The following BCAT1 variants were observed in gnomAD, a reference collection of about 807,000 sequenced individuals.
The protein encoded by BCAT1 is branched chain amino acid transaminase 1, also known as branched-chain-amino-acid aminotransferase, cytosolic.
BCAT1 carries 48 observed loss-of-function variants against 52.4 expected under a neutral mutation model. That is an observed-to-expected ratio of 0.92 (90% confidence interval 0.73 to 1.16). The LOEUF (loss-of-function observed/expected upper bound fraction) is 1.16. BCAT1 is among the 50% of genes most tolerant of loss of function. The probability of loss-of-function intolerance (pLI) is 0.00; values close to 1 mark genes in which losing one functional copy is unlikely to be tolerated. For missense variants in BCAT1, 451 were observed against 457.1 expected (o/e 0.99, Z 0.12); for synonymous variants, 167 against 161.3 (o/e 1.04, Z -0.27).
At chr12:24,865,084 T>G (rs191579255) in intron 5 of BCAT1, among the ~76,000 whole-genome samples, 64 of 152,336 alleles carry the variant, frequency 4.2e-4, no homozygotes, top group Admixed American at 4.2e-3. Context: ...TCTTTTCATC[T>G]CTATCTACAG....
chr12:24,859,670 T>C (rs188970681), intron 5 of BCAT1, among the ~76,000 whole-genome samples: 27 of 151,374 alleles, frequency 1.8e-4, no homozygotes, highest in African/African-American at 6.1e-4. Flanking sequence ...CTTTGTATTA[T>C]CATTTTGGCT....
chr12:24,857,198 C>A (rs1437426628), intron 5 of BCAT1, among the ~76,000 whole-genome samples: 3 of 152,182 alleles, frequency 2.0e-5, no homozygotes, highest in Non-Finnish European at 4.4e-5. Context: ...TATTAATTAT[C>A]TTCCCCTCAT....
chr12:24,838,208 C>T (rs1218173374), intron 7 of BCAT1, among the ~76,000 whole-genome samples: 1 of 152,182 alleles, frequency 6.6e-6, no homozygotes, highest in Non-Finnish European at 1.5e-5. Flanking sequence ...CTTCATCCTT[C>T]TATCCTCAAA....
chr12:24,912,702 A>G (rs939754048), intron 1 of BCAT1, among the ~76,000 whole-genome samples: 1 of 71,710 alleles, frequency 1.4e-5, no homozygotes, highest in Non-Finnish European at 4.7e-5. Context: ...CCATCTCTAA[A>G]AAAAAAAAAA....
At chr12:24,833,382 G>A (rs1183716566) in intron 8 of BCAT1, among the ~76,000 whole-genome samples, 3 of 152,062 alleles carry the variant, frequency 2.0e-5, no homozygotes, top group African/African-American at 7.2e-5. Flanking sequence ...AGCCAGGCAT[G>A]GTGGCGGGTG....
At chr12:24,824,272 C>CCTTCCTTCTT (rs1477491998) in intron 10 of BCAT1, among the ~76,000 whole-genome samples, 2 of 124,582 alleles carry the variant, frequency 1.6e-5, no homozygotes, top group Non-Finnish European at 3.4e-5. Flanking sequence ...CCTTCATTCC[C>CCTTCCTTCTT]TCCCTCCCTC....
chr12:24,867,966 C>T (rs1264035150), intron 5 of BCAT1, among the ~76,000 whole-genome samples: 1 of 152,214 alleles, frequency 6.6e-6, no homozygotes, highest in African/African-American at 2.4e-5. Context: ...GATTGCACCA[C>T]TGCACTCCAG....
intron 1 of BCAT1, among the ~76,000 whole-genome samples, chr12:24,923,746 C>A (rs1047436896): frequency 6.6e-6 from 1 of 152,084 alleles, no homozygotes; most frequent in Non-Finnish European, 1.5e-5. Flanking sequence ...CAGAGAGAAC[C>A]AAACTGAGTA....
At chr12:24,932,572 G>C (rs1412688322) in intron 1 of BCAT1, among the ~76,000 whole-genome samples, 2 of 152,214 alleles carry the variant, frequency 1.3e-5, no homozygotes, top group African/African-American at 4.8e-5. Flanking sequence ...AATAATATTA[G>C]TTAATACTTA....
At chr12:24,849,692 A>G (rs1941446663) in intron 6 of BCAT1, 94 bp downstream of exon 6, 2 of 1,292,384 alleles carry the variant, frequency 1.5e-6, no homozygotes, top group Admixed American at 4.8e-5. Context: ...TAAAGTTTGA[A>G]AAGTATTATA....
intron 1 of BCAT1, chr12:24,902,202 C>A: frequency 7.0e-7 from 1 of 1,433,438 alleles, no homozygotes; most frequent in Non-Finnish European, 9.1e-7. Flanking sequence ...AAACAATTGT[C>A]TCCCTTATAT....
chr12:24,832,229 A>G (rs1326410485), intron 9 of BCAT1, among the ~76,000 whole-genome samples: 1 of 152,194 alleles, frequency 6.6e-6, no homozygotes, highest in African/African-American at 2.4e-5. Flanking sequence ...GCATAGCTCC[A>G]ATCCCGACAT....
intron 5 of BCAT1, among the ~76,000 whole-genome samples, chr12:24,868,233 A>G (rs772739926): frequency 2.6e-5 from 4 of 152,214 alleles, no homozygotes; most frequent in Non-Finnish European, 5.9e-5. Context: ...TCTCCATCTC[A>G]GTGTATAAAA....
At position 24,817,935 on chromosome 12, in the gene BCAT1, T is replaced by C; in HGVS notation, c.*73A>G. The C allele has an allele frequency of 6.7e-7, 1 of 1,496,616 alleles. No individual in the cohort carries two copies. Among genetic ancestry groups the C allele is most frequent in the Non-Finnish European group, 9.3e-7 (1 of 1,077,632 alleles). 92.7% of individuals were successfully genotyped at this position (1,496,616 alleles called of 1,614,324 possible). On this transcript the variant is annotated 3_prime_UTR_variant, in exon 11 of 11. Coordinates refer to ENST00000261192, the MANE Select transcript of BCAT1 (RefSeq NM_005504.7). ...GGTAGCCAAAGAAATCTATCACAATTCAAATGCAACAGTCTGTCCCAGTAG... is the reference window on the plus strand; with the variant it reads ...GGTAGCCAAAGAAATCTATCACAATCCAAATGCAACAGTCTGTCCCAGTAG...
At chr12:24,931,605 C>T (rs962753396) in intron 1 of BCAT1, among the ~76,000 whole-genome samples, 2 of 152,112 alleles carry the variant, frequency 1.3e-5, no homozygotes, top group Non-Finnish European at 2.9e-5. Flanking sequence ...ATCAGTAACA[C>T]AGGAAACTAG....
At chr12:24,827,475 T>C (rs1335807110) in intron 10 of BCAT1, among the ~76,000 whole-genome samples, 2 of 152,152 alleles carry the variant, frequency 1.3e-5, no homozygotes, top group Admixed American at 1.3e-4. Flanking sequence ...AGAGCAGAAG[T>C]ATGGCAGCTC....
chr12:24,867,747 G>GT (rs774686964), intron 5 of BCAT1, among the ~76,000 whole-genome samples: 1 of 152,204 alleles, frequency 6.6e-6, no homozygotes, highest in Non-Finnish European at 1.5e-5. Flanking sequence ...GCTCACACCT[G>GT]TAATCCCAGC....
chr12:24,876,878 T>C (rs114298444), intron 5 of BCAT1, among the ~76,000 whole-genome samples: 3,891 of 152,104 alleles, frequency 0.026, 143 homozygotes, highest in African/African-American at 0.089. Flanking sequence ...GATGGGTTGA[T>C]TTGTACAGCA....
intron 5 of BCAT1, among the ~76,000 whole-genome samples, chr12:24,870,152 G>A (rs978083193): frequency 1.3e-5 from 2 of 152,030 alleles, no homozygotes; most frequent in African/African-American, 4.8e-5. Flanking sequence ...TATACCTTTG[G>A]TTCTACTTGA....
Sources: allele counts gnomAD v4.1 joint callset (sites outside exome capture counted in the v4.1 genomes callset), GRCh38; gene constraint gnomAD v4.1.1; transcripts MANE v1.5; gene names NCBI Gene and HGNC (gene_info 2026-07-23, HGNC 2026-07-21).